STPG2: variants seen among roughly 807,000 people sequenced by gnomAD.
The protein encoded by STPG2 is sperm-tail PG-rich repeat-containing protein 2.
In STPG2, 56 loss-of-function variants were observed where a neutral mutation model predicts 54.2. The observed-to-expected ratio is 1.03, with a 90% CI of 0.83 to 1.29. The LOEUF is 1.29. Ranked by LOEUF, STPG2 falls within the 50% of genes most tolerant of loss-of-function variation. The pLI is 0.00. For synonymous variants in STPG2, 200 were observed against 181.8 expected (o/e 1.10, Z -0.81); for missense variants, 596 against 544.9 (o/e 1.09, Z -0.93).
intron 8 of STPG2, among the ~76,000 whole-genome samples, chr4:97,934,278 T>C (rs1732663678): frequency 6.6e-6 from 1 of 152,198 alleles, no homozygotes. Context: ...AATGTGGTTT[T>C]CTAGATATAG....
chr4:97,903,170 T>A (rs1731245201), intron 8 of STPG2, among the ~76,000 whole-genome samples: 2 of 152,184 alleles, frequency 1.3e-5, no homozygotes. Flanking sequence ...AATAACAGTG[T>A]ATTGTATACT....
At chr4:97,642,155 G>C (rs1266130148) in intron 10 of STPG2, among the ~76,000 whole-genome samples, 3 of 151,314 alleles carry the variant, frequency 2.0e-5, no homozygotes, top group African/African-American at 7.3e-5. Context: ...TATTTGTAGA[G>C]TGTTTTATAG....
chr4:97,816,878 TTC>T (rs1727930602), intron 9 of STPG2, among the ~76,000 whole-genome samples: 1 of 150,416 alleles, frequency 6.6e-6, no homozygotes, highest in Admixed American at 6.7e-5. Context: ...CTTTCACTCT[TTC>T]TTTTTCTTTT....
intron 10 of STPG2, among the ~76,000 whole-genome samples, chr4:97,633,056 C>G (rs186487142): frequency 3.3e-5 from 5 of 152,178 alleles, no homozygotes; most frequent in Non-Finnish European, 5.9e-5. Flanking sequence ...AAAATATTAT[C>G]AACCATGTTA....
intron 7 of STPG2, among the ~76,000 whole-genome samples, chr4:97,964,517 C>T (rs144564820): frequency 1.9e-3 from 294 of 152,196 alleles, no homozygotes; most frequent in African/African-American, 7.0e-3. Context: ...TATTTGAGCA[C>T]ACTTACATAG....
chr4:97,618,034 A>G (rs1194085792), intron 10 of STPG2, among the ~76,000 whole-genome samples: 4 of 152,316 alleles, frequency 2.6e-5, no homozygotes, highest in Non-Finnish European at 2.9e-5. Flanking sequence ...ATATTTTCCA[A>G]AGAGCATCCA....
intron 4 of STPG2, among the ~76,000 whole-genome samples, chr4:97,491,800 G>A (rs1050980942): frequency 6.6e-6 from 1 of 151,444 alleles, no homozygotes; most frequent in Non-Finnish European, 1.5e-5. Context: ...TATTCTGAAA[G>A]CACAGAAAAC....
At chr4:98,050,953 C>T (rs551903681) in intron 5 of STPG2, among the ~76,000 whole-genome samples, 20 of 150,852 alleles carry the variant, frequency 1.3e-4, no homozygotes, top group African/African-American at 4.1e-4. Context: ...TGCAGTGAGC[C>T]GAGATCGTGC....
At chr4:98,105,890 G>A in intron 5 of STPG2, 63 bp downstream of exon 5, 1 of 1,383,604 alleles carries the variant, frequency 7.2e-7, no homozygotes, top group South Asian at 1.2e-5. Flanking sequence ...GTAACCTTGT[G>A]ATAACAGGAT....
At chr4:98,126,108 T>C (rs1739822343) in intron 3 of STPG2, among the ~76,000 whole-genome samples, 1 of 152,328 alleles carries the variant, frequency 6.6e-6, no homozygotes, top group South Asian at 2.1e-4. Context: ...CTGCTGCTGC[T>C]AGGCAGCAGA....
intron 4 of STPG2, among the ~76,000 whole-genome samples, chr4:97,552,719 G>A (rs1025776143): frequency 3.9e-5 from 6 of 151,924 alleles, no homozygotes; most frequent in African/African-American, 1.5e-4. Flanking sequence ...TACTTTTGAT[G>A]GCAAACTCTA....
intron 7 of STPG2, among the ~76,000 whole-genome samples, chr4:97,965,516 T>C (rs1734064886): frequency 1.3e-5 from 2 of 152,166 alleles, no homozygotes; most frequent in Non-Finnish European, 2.9e-5. Flanking sequence ...ATTTGAACTC[T>C]GAGAACAGAC....
chr4:98,099,285 C>CA (rs35754126), intron 5 of STPG2, among the ~76,000 whole-genome samples: 59,520 of 151,960 alleles, frequency 0.39, 11,887 homozygotes, highest in Middle Eastern at 0.46. Context: ...TTTAGCCATA[C>CA]AAAAGAATGA....
chr4:98,051,446 A>G (rs1737317788), intron 5 of STPG2, among the ~76,000 whole-genome samples: 1 of 151,980 alleles, frequency 6.6e-6, no homozygotes, highest in African/African-American at 2.4e-5. Flanking sequence ...GGCAATTAGG[A>G]TTAGATAAAG....
chr4:97,935,543 C>T (rs879434948), intron 8 of STPG2, among the ~76,000 whole-genome samples: 1 of 152,202 alleles, frequency 6.6e-6, no homozygotes, highest in Admixed American at 6.5e-5. Context: ...CCTCTTAACA[C>T]TGCTTTAGCT....
intron 10 of STPG2, among the ~76,000 whole-genome samples, chr4:97,657,682 G>A (rs1222343724): frequency 6.6e-6 from 1 of 152,064 alleles, no homozygotes; most frequent in Non-Finnish European, 1.5e-5. Flanking sequence ...CAGATTTTAG[G>A]TTTAGAACAT....
intron 5 of STPG2, among the ~76,000 whole-genome samples, chr4:97,986,716 C>CTTCA (rs1734842250): frequency 6.6e-6 from 1 of 152,112 alleles, no homozygotes; most frequent in Non-Finnish European, 1.5e-5. Flanking sequence ...TTTTATTTCA[C>CTTCA]TTCATTTTAC....
intron 9 of STPG2, among the ~76,000 whole-genome samples, chr4:97,756,930 C>T (rs533850185): frequency 1.3e-5 from 2 of 152,070 alleles, no homozygotes; most frequent in South Asian, 2.1e-4. Flanking sequence ...GTAGATGCAC[C>T]CCTCTTTGCT....
chr4:98,105,536 G>C (rs1214227449), intron 5 of STPG2, among the ~76,000 whole-genome samples: 1 of 152,024 alleles, frequency 6.6e-6, no homozygotes, highest in African/African-American at 2.4e-5. Flanking sequence ...AACAGAAATG[G>C]GACTGGGTCC....
Sources: allele counts gnomAD v4.1 joint callset (sites outside exome capture counted in the v4.1 genomes callset), GRCh38; gene constraint gnomAD v4.1.1; transcripts MANE v1.5; gene names NCBI Gene and HGNC (gene_info 2026-07-23, HGNC 2026-07-21).